The following ENTREP2 variants were observed in gnomAD, a reference collection of about 807,000 sequenced individuals.
ENTREP2 encodes the protein endosomal transmembrane epsin interactor 2, also known as protein ENTREP2.
chr15:29,600,435 C>CCCA, the ENTREP2 span, among the ~76,000 whole-genome samples: 2,346 of 113,344 alleles, frequency 0.021, 71 homozygotes, highest in African/African-American at 0.085. Context: ...CCAGTTCTCT[C>CCCA]CCACCATCAT....
the ENTREP2 span, among the ~76,000 whole-genome samples, chr15:29,205,685 G>A: frequency 1.3e-5 from 2 of 152,160 alleles, no homozygotes; most frequent in Non-Finnish European, 2.9e-5. Flanking sequence ...TTCTTGTTGA[G>A]CTGTAGGAGT....
the ENTREP2 span, among the ~76,000 whole-genome samples, chr15:29,420,113 T>TG: frequency 6.6e-6 from 1 of 152,204 alleles, no homozygotes; most frequent in African/African-American, 2.4e-5. Context: ...CAACCCATTG[T>TG]GCACCTCAGA....
the ENTREP2 span, among the ~76,000 whole-genome samples, chr15:29,582,415 CAATA>C: frequency 2.0e-5 from 3 of 151,548 alleles, no homozygotes; most frequent in African/African-American, 7.3e-5. Context: ...TGAATAAACA[CAATA>C]AATAAAAACC....
chr15:29,150,150 G>A, the ENTREP2 span, among the ~76,000 whole-genome samples: 3 of 152,162 alleles, frequency 2.0e-5, no homozygotes, highest in Admixed American at 6.5e-5. Context: ...CACTTCACAG[G>A]TGAGGAAACT....
the ENTREP2 span, among the ~76,000 whole-genome samples, chr15:29,368,468 T>C: frequency 2.1e-4 from 31 of 150,594 alleles, no homozygotes; most frequent in South Asian, 5.1e-3. Flanking sequence ...TTTAAATCAG[T>C]TATTTAAACG....
the ENTREP2 span, among the ~76,000 whole-genome samples, chr15:29,400,541 C>G: frequency 6.6e-6 from 1 of 152,292 alleles, no homozygotes; most frequent in East Asian, 1.9e-4. Context: ...GGGCAACTGG[C>G]TAGCCACTTG....
chr15:29,192,685 T>C, the ENTREP2 span, among the ~76,000 whole-genome samples: 4 of 152,076 alleles, frequency 2.6e-5, no homozygotes, highest in African/African-American at 9.7e-5. Context: ...ATGCAAATAC[T>C]AGGAATTAAA....
chr15:29,178,152 C>T, the ENTREP2 span, among the ~76,000 whole-genome samples: 1 of 151,594 alleles, frequency 6.6e-6, no homozygotes, highest in African/African-American at 2.4e-5. Context: ...AAATTAGCTG[C>T]ATATGGTGGT....
the ENTREP2 span, among the ~76,000 whole-genome samples, chr15:29,255,817 C>A: frequency 1.3e-5 from 2 of 151,890 alleles, no homozygotes; most frequent in African/African-American, 4.8e-5. Flanking sequence ...CTGGCTAACA[C>A]GGTGAAACCC....
chr15:29,505,924 C>T, the ENTREP2 span, among the ~76,000 whole-genome samples: 262 of 152,032 alleles, frequency 1.7e-3, 2 homozygotes, highest in African/African-American at 5.9e-3. This position sits in a 1 kb window ranked among gnomAD's most constrained non-coding sequence, Gnocchi z 4.3. Context: ...GATGAACTGA[C>T]GGAAGTAGGC....
chr15:29,374,103 A>G, the ENTREP2 span: 5 of 152,146 alleles, frequency 3.3e-5, no homozygotes, highest in African/African-American at 1.2e-4. Context: ...CAAAACAATG[A>G]ATATTTAATA....
At chr15:29,499,883 G>A in the ENTREP2 span, among the ~76,000 whole-genome samples, 1 of 152,096 alleles carries the variant, frequency 6.6e-6, no homozygotes, top group African/African-American at 2.4e-5. Context: ...ACAAAAACAG[G>A]TTGAAAGTAA....
chr15:29,479,644 C>CTCTT, the ENTREP2 span, among the ~76,000 whole-genome samples: 71,635 of 150,336 alleles, frequency 0.48, 17,529 homozygotes, highest in African/African-American at 0.61. Flanking sequence ...CTCCCTCTCT[C>CTCTT]TCTGTCTGTC....
At chr15:29,297,474 T>C in the ENTREP2 span, among the ~76,000 whole-genome samples, 1 of 152,200 alleles carries the variant, frequency 6.6e-6, no homozygotes, top group Non-Finnish European at 1.5e-5. Context: ...AGATAACTAG[T>C]ACCATCTCTA....
chr15:29,618,993 G>A, the ENTREP2 span, among the ~76,000 whole-genome samples: 1 of 152,222 alleles, frequency 6.6e-6, no homozygotes, highest in African/African-American at 2.4e-5. Context: ...TGGAGTGGAG[G>A]AGGACCACAC....
At chr15:29,172,899 T>C in the ENTREP2 span, among the ~76,000 whole-genome samples, 2 of 152,158 alleles carry the variant, frequency 1.3e-5, no homozygotes, top group African/African-American at 4.8e-5. Context: ...GACACCTGTT[T>C]TAGCCTAAGT....
At chr15:29,328,593 C>G in the ENTREP2 span, among the ~76,000 whole-genome samples, 1 of 152,180 alleles carries the variant, frequency 6.6e-6, no homozygotes, top group Non-Finnish European at 1.5e-5. Flanking sequence ...AGAAGCTGTA[C>G]ATCAGTGATG....
the ENTREP2 span, among the ~76,000 whole-genome samples, chr15:29,609,325 C>G: frequency 6.7e-6 from 1 of 150,262 alleles, no homozygotes; most frequent in East Asian, 2.0e-4. Flanking sequence ...TTTGCTATCA[C>G]AATCAATGTG....
the ENTREP2 span, among the ~76,000 whole-genome samples, chr15:29,488,990 G>A: frequency 6.6e-6 from 1 of 152,204 alleles, no homozygotes; most frequent in Non-Finnish European, 1.5e-5. Flanking sequence ...ACAATTTAAT[G>A]AGTATGGGAT....
Sources: allele counts gnomAD v4.1 joint callset (sites outside exome capture counted in the v4.1 genomes callset), GRCh38; gene constraint gnomAD v4.1.1; non-coding constraint Gnocchi (gnomAD v3.1); transcripts MANE v1.5; gene names NCBI Gene and HGNC (gene_info 2026-07-23, HGNC 2026-07-21).